The following GLG1 variants were observed in gnomAD, a reference collection of about 807,000 sequenced individuals.
GLG1 encodes golgi glycoprotein 1, also known as Golgi apparatus protein 1.
A neutral mutation model predicts 160.5 loss-of-function variants in GLG1; 38 were observed. The observed-to-expected ratio is 0.24, with a 90% CI of 0.18 to 0.31. The LOEUF is 0.31. Among genes scored for constraint, GLG1 ranks in the 10% least tolerant of loss-of-function variants. GLG1 has a pLI of 1.00. For missense variants in GLG1, 1,373 were observed against 1,505.2 expected, an observed-to-expected ratio of 0.91 and a Z score of 1.45; for synonymous variants, 644 against 543.4, an observed-to-expected ratio of 1.19 and a Z score of -2.57.
chr16:74,545,548 T>G (rs1445418450), intron 1 of GLG1, among the ~76,000 whole-genome samples: 1 of 152,250 alleles, frequency 6.6e-6, no homozygotes, highest in Non-Finnish European at 1.5e-5. Flanking sequence ...CAGACCCTAG[T>G]CTTTCAATCT....
chr16:74,577,156 G>C (rs2019027614), intron 1 of GLG1, among the ~76,000 whole-genome samples: 1 of 152,032 alleles, frequency 6.6e-6, no homozygotes, highest in Non-Finnish European at 1.5e-5. Context: ...AAACTCCTGG[G>C]CTCAAGAGAT....
chr16:74,491,199 A>G lies in GLG1; in HGVS notation c.1251T>C (p.Ser417=), dbSNP rs1306056445. Residue 417 remains serine, a synonymous_variant, in exon 8 of 26, where the codon AGT becomes AGC. Transcript: ENST00000422840. ...SAVHRGRQVS[S]ECQGEMLDYR... ...AATCCAGCATCTCCCCCTGGCACTC[A>G]CTGCTGACTTGTCGCCCTAAGTTAG... The G allele has an allele frequency of 1.9e-6, 3 of 1,613,436 alleles. No homozygotes were observed. In the African/African-American group the frequency reaches 4.0e-5, roughly 22 times the overall value.
intron 1 of GLG1, among the ~76,000 whole-genome samples, chr16:74,559,600 A>G (rs1358626891): frequency 2.0e-5 from 3 of 151,910 alleles, no homozygotes; most frequent in Non-Finnish European, 4.4e-5. Flanking sequence ...AATTTTAGAG[A>G]GTGAAATATG....
intron 2 of GLG1, among the ~76,000 whole-genome samples, chr16:74,529,213 C>A (rs1179160433): frequency 6.6e-6 from 1 of 152,068 alleles, no homozygotes; most frequent in Admixed American, 6.5e-5. Context: ...AAGTAATCCA[C>A]CTGTCTTGAC....
chr16:74,577,611 C>A (rs1269103604), intron 1 of GLG1, among the ~76,000 whole-genome samples: 3 of 150,680 alleles, frequency 2.0e-5, no homozygotes, highest in Non-Finnish European at 3.0e-5. Flanking sequence ...CGAAAACATT[C>A]TTTTTATTTT....
chr16:74,480,852 G>A (rs745857493), intron 10 of GLG1, among the ~76,000 whole-genome samples: 27 of 152,122 alleles, frequency 1.8e-4, no homozygotes, highest in African/African-American at 2.7e-4. Context: ...GCACCCAGCC[G>A]TGAATTTTGT....
chr16:74,601,396 C>T (rs1301120691), intron 1 of GLG1, among the ~76,000 whole-genome samples: 1 of 151,510 alleles, frequency 6.6e-6, no homozygotes, highest in African/African-American at 2.4e-5. Flanking sequence ...CCTGGGCAAC[C>T]CGGCAAGACC....
At chr16:74,521,584 G>A (rs1464894594) in intron 2 of GLG1, among the ~76,000 whole-genome samples, 3 of 152,138 alleles carry the variant, frequency 2.0e-5, no homozygotes, top group African/African-American at 7.2e-5. Context: ...TGGGGATGGG[G>A]AAGACTACAG....
chr16:74,560,490 G>C (rs1429526607), intron 1 of GLG1, among the ~76,000 whole-genome samples: 2 of 149,348 alleles, frequency 1.3e-5, no homozygotes, highest in Non-Finnish European at 1.5e-5. Context: ...CTAGTAACTT[G>C]ACTGCCATCA....
At chr16:74,504,942 A>G (rs2016542975) in intron 3 of GLG1, among the ~76,000 whole-genome samples, 1 of 152,258 alleles carries the variant, frequency 6.6e-6, no homozygotes, top group Non-Finnish European at 1.5e-5. Flanking sequence ...TATAAAACAG[A>G]GAAGGGTGTT....
At chr16:74,606,447 G>A (rs1211538898) in intron 1 of GLG1, among the ~76,000 whole-genome samples, 4 of 152,172 alleles carry the variant, frequency 2.6e-5, no homozygotes, top group Non-Finnish European at 5.9e-5. Context: ...CCCGGCAACA[G>A]GGAGGGAAAT....
chr16:74,547,600 G>C (rs1388002755), intron 1 of GLG1, among the ~76,000 whole-genome samples: 2 of 152,250 alleles, frequency 1.3e-5, no homozygotes, highest in African/African-American at 4.8e-5. Flanking sequence ...TGTTTTGGAA[G>C]AAGCCAATCA....
At chr16:74,455,515 C>T (rs997532271) in intron 25 of GLG1, among the ~76,000 whole-genome samples, 12 of 152,252 alleles carry the variant, frequency 7.9e-5, no homozygotes, top group Non-Finnish European at 1.5e-4. Context: ...AGGCAACTTT[C>T]TTCCCTTGGC....
intron 1 of GLG1, among the ~76,000 whole-genome samples, chr16:74,538,051 A>C (rs2017734041): frequency 6.6e-6 from 1 of 151,270 alleles, no homozygotes; most frequent in South Asian, 2.1e-4. Context: ...GTTGTCTAAA[A>C]TATGGAACAT....
rs577172649 is a variant in GLG1, at chr16:74,514,737, G to A, written c.472-5812C>T. Among the ~76,000 whole-genome samples the A allele has an allele frequency of 3.3e-4, 50 of 152,134 alleles. 1 individual carries two copies. Among genetic ancestry groups the A allele is most frequent in the South Asian group, 1.5e-3 (7 of 4,818 alleles). ...CTATGAAGAGACTGCATCAATTAAC[G>A]GTCGAAATAACCAGCTAGCATCATA... On this transcript the variant is annotated intron_variant, in intron 2 of 25. Coordinates refer to ENST00000422840, the MANE Select transcript of GLG1 (RefSeq NM_001145667.2).
chr16:74,480,093 G>A, intron 11 of GLG1, 148 bp downstream of exon 11: 1 of 663,512 alleles, frequency 1.5e-6, no homozygotes, highest in Non-Finnish European at 2.6e-6. Flanking sequence ...CTCACGGAAG[G>A]AAGAAGTTTC....
chr16:74,509,697 A>C (rs2016738973), intron 2 of GLG1, among the ~76,000 whole-genome samples: 1 of 151,864 alleles, frequency 6.6e-6, no homozygotes, highest in Non-Finnish European at 1.5e-5. Flanking sequence ...AAAAATACAA[A>C]AAATTAGCCG....
At chr16:74,601,057 G>C (rs1039292562) in intron 1 of GLG1, among the ~76,000 whole-genome samples, 8 of 152,080 alleles carry the variant, frequency 5.3e-5, no homozygotes, top group African/African-American at 1.9e-4. Flanking sequence ...AGACAGCATA[G>C]GAGGAAATTC....
chr16:74,549,355 G>A (rs2018136550), intron 1 of GLG1, among the ~76,000 whole-genome samples: 1 of 151,890 alleles, frequency 6.6e-6, no homozygotes, highest in Non-Finnish European at 1.5e-5. Flanking sequence ...GTGCAGTGAT[G>A]CAATCTCAGC....
Sources: gnomAD v4.1 joint callset for allele counts (sites outside exome capture counted in the v4.1 genomes callset) on GRCh38, gnomAD v4.1.1 for gene constraint, MANE v1.5 for transcripts, NCBI Gene and HGNC (gene_info 2026-07-23, HGNC 2026-07-21) for gene names.